GLI3: variants seen among roughly 807,000 people sequenced by gnomAD.
GLI3 encodes the protein transcription activator GLI3.
Under a neutral mutation model 100.8 loss-of-function variants are expected in GLI3, and 20 were observed. The ratio of observed to expected loss-of-function variants is 0.20; its 90% confidence interval spans 0.14 to 0.29. The LOEUF (loss-of-function observed/expected upper bound fraction) is 0.29. Ranked by LOEUF, GLI3 falls within the 10% of genes least tolerant of loss-of-function variation. GLI3 has a pLI of 1.00. For synonymous variants in GLI3, 938 were observed against 860.5 expected, an observed-to-expected ratio of 1.09 and a Z score of -1.58; for missense variants, 2,040 against 2,128.5, an observed-to-expected ratio of 0.96 and a Z score of 0.82.
At chr7:42,217,927 T>C (rs1788409204) in intron 2 of GLI3, among the ~76,000 whole-genome samples, 1 of 152,256 alleles carries the variant, frequency 6.6e-6, no homozygotes, top group Admixed American at 6.5e-5. Flanking sequence ...TATATGTTTA[T>C]GATACGGCAG....
At chr7:42,047,277 T>C (rs879307859) in intron 5 of GLI3, among the ~76,000 whole-genome samples, 2 of 152,240 alleles carry the variant, frequency 1.3e-5, no homozygotes, top group Non-Finnish European at 2.9e-5. Context: ...TGGCTGTTAC[T>C]GAAGGAAAGC....
At chr7:42,079,554 C>T (rs1194241466) in intron 3 of GLI3, among the ~76,000 whole-genome samples, 3 of 152,292 alleles carry the variant, frequency 2.0e-5, no homozygotes, top group East Asian at 3.9e-4. Context: ...ACTTAACACA[C>T]ATCATCTGCT....
chr7:42,042,717 C>T (rs988064995), intron 6 of GLI3, among the ~76,000 whole-genome samples: 12 of 152,188 alleles, frequency 7.9e-5, no homozygotes, highest in African/African-American at 2.7e-4. Context: ...CCTCTCAAGA[C>T]CTTTTCACCC....
At chr7:42,079,891 T>G (rs1784963801) in intron 3 of GLI3, among the ~76,000 whole-genome samples, 1 of 152,234 alleles carries the variant, frequency 6.6e-6, no homozygotes, top group Non-Finnish European at 1.5e-5. Context: ...ATTTAATATA[T>G]GCCTCATATA....
At chr7:42,078,800 G>T (rs1390922503) in intron 3 of GLI3, among the ~76,000 whole-genome samples, 2 of 147,006 alleles carry the variant, frequency 1.4e-5, no homozygotes, top group East Asian at 4.2e-4. Flanking sequence ...CTCGATCTCG[G>T]CTCACTGTGA....
chr7:42,026,711 A>G (rs1167857146), intron 7 of GLI3, among the ~76,000 whole-genome samples: 1 of 152,236 alleles, frequency 6.6e-6, no homozygotes, highest in African/African-American at 2.4e-5. Context: ...TTATATAAAA[A>G]GAGAATGGGT....
At chr7:42,121,668 CA>C (rs111661860) in intron 3 of GLI3, among the ~76,000 whole-genome samples, 28 of 152,248 alleles carry the variant, frequency 1.8e-4, no homozygotes, top group African/African-American at 6.3e-4. Flanking sequence ...TGGGGAGTGA[CA>C]GCTTCCAGTT....
intron 3 of GLI3, among the ~76,000 whole-genome samples, chr7:42,084,368 C>T (rs1785058750): frequency 6.6e-6 from 1 of 152,356 alleles, no homozygotes; most frequent in Non-Finnish European, 1.5e-5. Flanking sequence ...GAACCAACAA[C>T]TGATCTCGCC....
At chr7:42,030,706 T>TTG (rs1789264159) in intron 7 of GLI3, among the ~76,000 whole-genome samples, 1 of 151,724 alleles carries the variant, frequency 6.6e-6, no homozygotes, top group South Asian at 2.1e-4. Context: ...GTTTTTTTTT[T>TTG]TTTTGTTTTT....
chr7:42,072,697 G>T (rs1456585698), intron 4 of GLI3, among the ~76,000 whole-genome samples: 3 of 152,136 alleles, frequency 2.0e-5, no homozygotes, highest in African/African-American at 7.2e-5. Context: ...GTTAGGGAAG[G>T]AACAGCCCTG....
chr7:41,964,929 C>T lies in GLI3; in HGVS notation c.4144G>A (p.Gly1382Ser). Residue 1382 changes from glycine to serine, a missense_variant, in exon 15 of 15, where the codon GGC becomes AGC. By Grantham distance (56) the Gly-to-Ser change is moderately conservative (BLOSUM62 0). Transcript: ENST00000395925. ...CCAAAGCTGGCACATGGCTGGTAGC[C>T]CCTGACAACTGCCAAGCTTGACGGC... ...SQPSSLAVVR[G>S]YQPCASFGGS... is the part of the protein sequence containing the mutation. 1 of 1,613,800 alleles carries T rather than the reference C, an allele frequency of 6.2e-7. No individual in the cohort carries two copies. Among genetic ancestry groups the T allele is most frequent in the South Asian group, 1.1e-5 (1 of 91,088 alleles).
chr7:42,101,473 G>C (rs945994905), intron 3 of GLI3, among the ~76,000 whole-genome samples: 1 of 151,928 alleles, frequency 6.6e-6, no homozygotes, highest in Non-Finnish European at 1.5e-5. Context: ...AGGTATGGTG[G>C]CATACACCTC....
chr7:42,252,538 C>T (rs1281895903), intron 1 of GLI3, among the ~76,000 whole-genome samples: 1 of 152,132 alleles, frequency 6.6e-6, no homozygotes, highest in African/African-American at 2.4e-5. Context: ...AGAGGGACTC[C>T]TCAATACTAT....
intron 10 of GLI3, among the ~76,000 whole-genome samples, chr7:42,004,236 C>T (rs911321548): frequency 3.9e-5 from 6 of 152,110 alleles, no homozygotes; most frequent in African/African-American, 1.4e-4. Context: ...ATACAACCAA[C>T]ACAATTATCT....
At chr7:42,009,248 G>A (rs1482977071) in intron 10 of GLI3, among the ~76,000 whole-genome samples, 1 of 152,138 alleles carries the variant, frequency 6.6e-6, no homozygotes, top group African/African-American at 2.4e-5. Context: ...TAATGATATT[G>A]TGAAAGAAAA....
intron 2 of GLI3, among the ~76,000 whole-genome samples, chr7:42,217,376 G>C (rs554935773): frequency 6.6e-6 from 1 of 152,178 alleles, no homozygotes; most frequent in Non-Finnish European, 1.5e-5. Flanking sequence ...GCTCAAGAGA[G>C]TCGGGGCTCT....
At chr7:42,014,548 C>T (rs968399306) in intron 10 of GLI3, among the ~76,000 whole-genome samples, 1 of 152,190 alleles carries the variant, frequency 6.6e-6, no homozygotes, top group Non-Finnish European at 1.5e-5. Context: ...TCCCCAATGC[C>T]TTTCTGCAAT....
intron 4 of GLI3, among the ~76,000 whole-genome samples, chr7:42,071,987 A>G (rs1486974780): frequency 6.6e-6 from 1 of 152,216 alleles, no homozygotes; most frequent in African/African-American, 2.4e-5. Context: ...ACAAAGAAAA[A>G]AAAAGGGCTG....
intron 2 of GLI3, among the ~76,000 whole-genome samples, chr7:42,176,986 G>A (rs185017362): frequency 5.3e-5 from 8 of 152,308 alleles, no homozygotes; most frequent in South Asian, 4.1e-4. Context: ...GCCTTCTCAC[G>A]GAGCTAAGAA....
Sources: gnomAD v4.1 joint callset for allele counts (sites outside exome capture counted in the v4.1 genomes callset) on GRCh38, gnomAD v4.1.1 for gene constraint, MANE v1.5 for transcripts, NCBI Gene and HGNC (gene_info 2026-07-23, HGNC 2026-07-21) for gene names.